The following TFRC variants were observed in gnomAD, a reference collection of about 807,000 sequenced individuals.
TFRC encodes the protein transferrin receptor protein 1.
Under a neutral mutation model 85.8 loss-of-function variants are expected in TFRC, and 35 were observed. The ratio of observed to expected loss-of-function variants is 0.41; its 90% CI spans 0.31 to 0.54. The LOEUF (loss-of-function observed/expected upper bound fraction) is 0.54, where lower values mean the gene tolerates loss of function less well. TFRC is among the 20% of genes least tolerant of loss of function. The pLI, the probability that TFRC is intolerant of heterozygous loss-of-function variation, is 0.31. For missense variants in TFRC, 828 were observed against 921.5 expected (o/e 0.90, Z 1.31); for synonymous variants, 362 against 328.6 (o/e 1.10, Z -1.10).
Position 196,067,721 on chromosome 3 carries a change from A to AG in TFRC, c.901-65dup. On this transcript the variant is annotated intron_variant, in intron 8 of 18. Coordinates refer to ENST00000360110, the MANE Select transcript of TFRC (RefSeq NM_001128148.3). The stretch of plus-strand genomic sequence containing the variant: ...TCCTCAAAACTTCTCTGTAAGATTC[A>AG]GGTTTGGTATAAGGCTGCAGCCCAA... 4 of 1,577,198 alleles carry AG rather than the reference A, an allele frequency of 2.5e-6. No individual in the cohort carries two copies. In the South Asian group the frequency reaches 4.7e-5, roughly 19 times the overall value.
At chr3:196,058,067 T>C (rs768361751) in intron 16 of TFRC, 75 of 393,498 alleles carry the variant, frequency 1.9e-4, no homozygotes, top group Non-Finnish European at 3.1e-4. Context: ...ACTGGTGTCA[T>C]CCTTGTTATT....
intron 9 of TFRC, among the ~76,000 whole-genome samples, chr3:196,066,995 C>G (rs1717790104): frequency 6.6e-6 from 1 of 152,168 alleles, no homozygotes. Flanking sequence ...AAGAGAGACA[C>G]TAACGTTACA....
intron 16 of TFRC, 64 bp from the exon 17 acceptor site, chr3:196,055,365 G>T: frequency 7.0e-7 from 1 of 1,420,258 alleles, no homozygotes; most frequent in African/African-American, 1.4e-5. Context: ...TCACATTCTG[G>T]CTTCGCCATC....
At chr3:196,073,030 T>C (rs1718339559) in intron 4 of TFRC, 1 of 64,376 alleles carries the variant, frequency 1.6e-5, no homozygotes, top group South Asian at 5.6e-4. Context: ...TGAAATCCCG[T>C]TTCTGCAAAA....
rs1716249026 is a variant in TFRC at position 196,050,814 on chromosome 3, A to G, written c.*1128T>C. On this transcript the variant is annotated 3_prime_UTR_variant, in exon 19 of 19. Transcript: ENST00000360110. ...TCTTAGCAACCCCTAATTAAATTTA[A>G]TTCATCTCTAAATCTTAGCTTCAAC... 4.9e-6 allele frequency: 1 copy of G among 203,006 alleles called. No individual in the cohort carries two copies. The highest frequency in any genetic ancestry group is 1.0e-5 in the Non-Finnish European group (1 of 98,718). The allele number at this position is 203,006 out of a possible 1,614,324, so 12.6% of individuals were successfully genotyped here.
chr3:196,076,254 T>C (rs1011377488), intron 2 of TFRC, among the ~76,000 whole-genome samples: 8 of 152,144 alleles, frequency 5.3e-5, no homozygotes, highest in African/African-American at 1.4e-4. Context: ...GATGGCTGTT[T>C]TTTTTGTATG....
chr3:196,073,638 A>C (rs1454621730), intron 4 of TFRC, among the ~76,000 whole-genome samples: 4 of 152,212 alleles, frequency 2.6e-5, no homozygotes, highest in Non-Finnish European at 5.9e-5. Context: ...GAGGTTAAGA[A>C]GAAAAATCAG....
intron 13 of TFRC, among the ~76,000 whole-genome samples, chr3:196,061,768 C>T (rs1313864548): frequency 4.6e-5 from 7 of 152,168 alleles, no homozygotes; most frequent in South Asian, 2.1e-4. Flanking sequence ...GGATTACAGG[C>T]GTGCACCACT....
intron 1 of TFRC, among the ~76,000 whole-genome samples, chr3:196,079,226 T>C (rs758417830): frequency 7.2e-5 from 11 of 152,184 alleles, no homozygotes; most frequent in Non-Finnish European, 1.0e-4. Flanking sequence ...ATTTTAATCA[T>C]CCTTTTCTAG....
At chr3:196,069,682 A>T (rs961992092) in intron 6 of TFRC, 114 bp from the exon 7 acceptor site, 41 of 594,740 alleles carry the variant, frequency 6.9e-5, no homozygotes, top group Non-Finnish European at 2.0e-5. Flanking sequence ...AGTAAGAGAT[A>T]AAAGGAGGCC....
chr3:196,068,238 A>T (rs1019371887), intron 7 of TFRC, 108 bp from the exon 8 acceptor site: 5 of 631,606 alleles, frequency 7.9e-6, no homozygotes, highest in African/African-American at 5.7e-5. Flanking sequence ...GACTAAACTT[A>T]TAATACTTCC....
chr3:196,075,783 A>C (rs1451622895), intron 2 of TFRC, among the ~76,000 whole-genome samples: 1 of 152,090 alleles, frequency 6.6e-6, no homozygotes. Context: ...GAATAAAACA[A>C]AGTTATAAAT....
chr3:196,052,368 G>A (rs1004332375), intron 18 of TFRC, among the ~76,000 whole-genome samples, 184 bp from the exon 19 acceptor site: 3 of 141,860 alleles, frequency 2.1e-5, no homozygotes, highest in Non-Finnish European at 3.0e-5. Context: ...GCGCTATCTC[G>A]GCTCACTGGT....
intron 2 of TFRC, 31 bp from the exon 3 acceptor site, chr3:196,075,391 C>G (rs1718600002): frequency 6.2e-7 from 1 of 1,609,262 alleles, no homozygotes. Flanking sequence ...TGATGAAGAA[C>G]AGGCACGGGA....
In TFRC at chr3:196,051,007, T is replaced by C. The variant is rs1441282072; in HGVS notation, c.*935A>G. 1 of 204,540 alleles carries C rather than the reference T, an allele frequency of 4.9e-6. No homozygotes were observed. Among genetic ancestry groups the C allele is most frequent in the Admixed American group, 6.0e-5 (1 of 16,728 alleles). 12.7% of individuals were successfully genotyped at this position (204,540 alleles called of 1,614,324 possible). The stretch of plus-strand genomic sequence containing the variant: ...TATGGAAGGCACTGCTTCCGATAAT[T>C]ATATTCTATTAAAAAAACACCATTT... On this transcript the variant is annotated 3_prime_UTR_variant, in exon 19 of 19. Transcript: ENST00000360110.
chr3:196,078,229 G>A (rs887217647), intron 1 of TFRC, among the ~76,000 whole-genome samples: 1 of 151,960 alleles, frequency 6.6e-6, no homozygotes, highest in Non-Finnish European at 1.5e-5. Context: ...TTTGCAAAAT[G>A]GACATTTATT....
chr3:196,056,361 T>C (rs565826599), intron 16 of TFRC, among the ~76,000 whole-genome samples: 18 of 152,266 alleles, frequency 1.2e-4, no homozygotes, highest in African/African-American at 4.1e-4. Context: ...GACTGTCCAA[T>C]AGATAGCCAC....
intron 1 of TFRC, among the ~76,000 whole-genome samples, chr3:196,078,696 C>T (rs1324978062): frequency 1.3e-5 from 2 of 151,882 alleles, no homozygotes; most frequent in African/African-American, 4.8e-5. Context: ...GCTCTAAAAC[C>T]TATTACAAAA....
chr3:196,078,517 C>T (rs1231934545), intron 1 of TFRC, among the ~76,000 whole-genome samples: 3 of 151,682 alleles, frequency 2.0e-5, no homozygotes, highest in African/African-American at 7.3e-5. Context: ...ATTAGATGGG[C>T]GTGGTGGTGG....
Sources: allele counts gnomAD v4.1 joint callset (sites outside exome capture counted in the v4.1 genomes callset), GRCh38; gene constraint gnomAD v4.1.1; transcripts MANE v1.5; gene names NCBI Gene and HGNC (gene_info 2026-07-23, HGNC 2026-07-21).